The following FAM131B variants were observed in gnomAD, a reference collection of about 807,000 sequenced individuals.
FAM131B encodes the protein family with sequence similarity 131 member B, also known as protein FAM131B.
In FAM131B, 19 loss-of-function variants were observed where a neutral mutation model predicts 42.0. The observed-to-expected ratio is 0.45, with a 90% confidence interval of 0.32 to 0.66. The LOEUF is 0.66. FAM131B is among the 30% of genes least tolerant of loss of function. The pLI, the probability that FAM131B is intolerant of heterozygous loss-of-function variation, is 0.05. For synonymous variants in FAM131B, 183 were observed against 177.6 expected, an observed-to-expected ratio of 1.03 and a Z score of -0.24; for missense variants, 370 against 468.4, an observed-to-expected ratio of 0.79 and a Z score of 1.94.
At chr7:143,380,095 A>T in the FAM131B span, 1 of 985,508 alleles carries the variant, frequency 1.0e-6, no homozygotes, top group Non-Finnish European at 1.2e-6. The surrounding 1 kb of genome is among the most constrained non-coding windows in gnomAD (Gnocchi z 5.0). Context: ...CGAAGGCCTC[A>T]GGAGGCAGTA....
At position 143,359,452 on chromosome 7, in the gene FAM131B, A is replaced by T. The variant is rs1469289300; in HGVS notation, c.175-33T>A. 1.3e-6 allele frequency: 2 copies of T among 1,532,822 alleles called. No homozygotes were observed. The highest frequency in any genetic ancestry group is 1.7e-5 in the Admixed American group (1 of 59,304). 95.0% of individuals were successfully genotyped at this position (1,532,822 alleles called of 1,614,324 possible). ...GGGAATGTGGGAGGAAGGGCAGAGGAATAAGAAGGTACGGGCGTGCTTTAT... is the reference window on the plus strand; with the variant it reads ...GGGAATGTGGGAGGAAGGGCAGAGGTATAAGAAGGTACGGGCGTGCTTTAT... On this transcript the variant is annotated intron_variant, in intron 3 of 6. Transcript: ENST00000443739. This position sits in a 1 kb window ranked among gnomAD's most constrained non-coding sequence, Gnocchi z 5.4.
In FAM131B at chr7:143,353,585, CTATAA is replaced by C. The variant is rs1803516610; in HGVS notation, c.*2960_*2964del. On this transcript the variant is annotated 3_prime_UTR_variant, in exon 7 of 7. Coordinates refer to ENST00000443739, the MANE Select transcript of FAM131B (RefSeq NM_001031690.3). ...TATATATATTGATATAGAATTCTCT[CTATAA>C]TATATGTCATAGAATCTCTCTTGGG... 1 of 152,546 alleles carries C rather than the reference CTATAA, an allele frequency of 6.6e-6. No individual in the cohort carries two copies. Among genetic ancestry groups the C allele is most frequent in the African/African-American group, 2.4e-5 (1 of 41,396 alleles). The allele number at this position is 152,546 out of a possible 1,614,324, so 9.4% of individuals were successfully genotyped here. A position where few individuals can be genotyped will look rare whatever the true frequency, so the allele number is the denominator to read the frequency against.
chr7:143,378,217 C>T, the FAM131B span, among the ~76,000 whole-genome samples: 3 of 152,252 alleles, frequency 2.0e-5, no homozygotes, highest in Non-Finnish European at 2.9e-5. Flanking sequence ...CTCCTGGTCA[C>T]ATTTCTCTTT....
Position 143,356,097 on chromosome 7 carries a change from G to A in FAM131B, c.*453C>T, listed in dbSNP as rs576532511. 1.0e-3 allele frequency: 188 copies of A among 181,272 alleles called. No homozygotes were observed. The highest frequency in any genetic ancestry group is 1.6e-3 in the Non-Finnish European group (138 of 84,598). 11.2% of individuals were successfully genotyped at this position (181,272 alleles called of 1,614,324 possible). On this transcript the variant is annotated 3_prime_UTR_variant, in exon 7 of 7. Coordinates refer to ENST00000443739, the MANE Select transcript of FAM131B (RefSeq NM_001031690.3). The surrounding 1 kb of genome is among the most constrained non-coding windows in gnomAD (Gnocchi z 4.4). ...TCAGTAGGGATGAGCTGGGGCCACA[G>A]CCAGAGAAAACAGAGTTGGGAAAAG... is the stretch of plus-strand genomic sequence containing the variant.
chr7:143,374,900 C>T, the FAM131B span, among the ~76,000 whole-genome samples: 3 of 152,168 alleles, frequency 2.0e-5, no homozygotes, highest in African/African-American at 7.2e-5. Flanking sequence ...CAGGCTCTAC[C>T]GGATGCATCC....
the FAM131B span, among the ~76,000 whole-genome samples, chr7:143,369,699 G>A: frequency 7.3e-5 from 11 of 150,728 alleles, no homozygotes; most frequent in Non-Finnish European, 1.0e-4. Context: ...AGTTTTAAGC[G>A]AGTAGATCTC....
chr7:143,382,078 C>G, the FAM131B span: 5 of 632,846 alleles, frequency 7.9e-6, no homozygotes, highest in Non-Finnish European at 1.1e-5. Context: ...GTGCGCCCGG[C>G]CTTTCCTGAC....
At position 143,354,552 on chromosome 7, in the gene FAM131B, AG is replaced by A. The variant is rs1166814669; in HGVS notation, c.*1997del. On this transcript the variant is annotated 3_prime_UTR_variant, in exon 7 of 7. Transcript: ENST00000443739. Reference sequence around the variant, plus strand: ...CATGCAAAACCCCAGAGCCTGCAGCAGGAGACGGGTGGGGAATAGCTGCCAG... The same window carrying A: ...CATGCAAAACCCCAGAGCCTGCAGCAGAGACGGGTGGGGAATAGCTGCCAG... The A allele has an allele frequency of 2.0e-5, 3 of 152,382 alleles. No homozygotes were observed. The East Asian group carries it at 5.8e-4, about 29-fold the overall frequency. 9.4% of individuals were successfully genotyped at this position (152,382 alleles called of 1,614,324 possible). A position where few individuals can be genotyped will look rare whatever the true frequency, so the allele number is the denominator to read the frequency against.
chr7:143,366,796 G>C (rs1012590519), upstream of FAM131B, among the ~76,000 whole-genome samples: 1 of 152,152 alleles, frequency 6.6e-6, no homozygotes, highest in Non-Finnish European at 1.5e-5. Context: ...GACCTCAGGC[G>C]ATCTGCCCGC....
chr7:143,381,901 C>G, the FAM131B span: 2 of 1,011,528 alleles, frequency 2.0e-6, no homozygotes, highest in Non-Finnish European at 2.8e-6. Flanking sequence ...CCACCCTGTC[C>G]CGAGCAGATG....
chr7:143,362,718 G>C (rs1000690998), upstream of FAM131B: 1 of 410,500 alleles, frequency 2.4e-6, no homozygotes, highest in East Asian at 5.6e-5. The surrounding 1 kb of genome is among the most constrained non-coding windows in gnomAD (Gnocchi z 7.7). Context: ...GTCTCCGCTC[G>C]GCTCCGCTCC....
In FAM131B at chr7:143,358,056, C is replaced by T. The variant is rs867631070; in HGVS notation, c.467-633G>A. Among the ~76,000 whole-genome samples the T allele has an allele frequency of 3.1e-4, 47 of 152,140 alleles. No homozygotes were observed. The highest frequency in any genetic ancestry group is 1.0e-3 in the African/African-American group (43 of 41,490). On this transcript the variant is annotated intron_variant, in intron 5 of 6. Transcript: ENST00000443739. The surrounding 1 kb of genome is among the most constrained non-coding windows in gnomAD (Gnocchi z 4.7). The stretch of plus-strand genomic sequence containing the variant: ...AGAGCATCGTGGGCTTGTGGGTCCA[C>T]CATAATATAAAACTGAAATTCAAGG...
chr7:143,379,021 C>T, the FAM131B span, among the ~76,000 whole-genome samples: 1 of 152,242 alleles, frequency 6.6e-6, no homozygotes, highest in African/African-American at 2.4e-5. Flanking sequence ...ATTCCGCATT[C>T]TGAATGCTCT....
chr7:143,381,480 G>T, the FAM131B span: 1 of 1,395,636 alleles, frequency 7.2e-7, no homozygotes. Flanking sequence ...GGCGAGTGGG[G>T]GTCACCAAGG....
chr7:143,359,673 G>T lies in FAM131B; in HGVS notation c.174+59C>A. On this transcript the variant is annotated intron_variant, in intron 3 of 6. Transcript: ENST00000443739. The surrounding 1 kb of genome is among the most constrained non-coding windows in gnomAD (Gnocchi z 5.4). ...ACCGTGCTGGTTGGAAGGTGCAAGG[G>T]AGAAGATGAGGAGGAGGAGTTCGGG... 1.4e-6 allele frequency: 2 copies of T among 1,475,848 alleles called. No homozygotes were observed. The highest frequency in any genetic ancestry group is 2.4e-5 in the East Asian group (1 of 40,904). 91.4% of individuals were successfully genotyped at this position (1,475,848 alleles called of 1,614,324 possible).
chr7:143,369,549 C>T, the FAM131B span, among the ~76,000 whole-genome samples: 1 of 151,990 alleles, frequency 6.6e-6, no homozygotes, highest in East Asian at 1.9e-4. Flanking sequence ...GTGGTGGGCA[C>T]CTGTAGTCCT....
the FAM131B span, chr7:143,382,225 C>T: frequency 1.2e-6 from 2 of 1,606,200 alleles, no homozygotes; most frequent in African/African-American, 1.3e-5. Context: ...CCCCGGCCGA[C>T]GTCTTTCTCC....
chr7:143,373,555 A>T, the FAM131B span, among the ~76,000 whole-genome samples: 2 of 152,212 alleles, frequency 1.3e-5, no homozygotes, highest in African/African-American at 4.8e-5. Context: ...CTATGGGGAA[A>T]ACATTGTCTG....
At position 143,360,562 on chromosome 7, in the gene FAM131B, C is replaced by G. The variant is rs553684744; in HGVS notation, c.29-413G>C. 1.2e-5 allele frequency: 3 copies of G among 258,252 alleles called. No individual in the cohort carries two copies. The East Asian group carries it at 4.6e-4, about 40-fold the overall frequency. 16.0% of individuals were successfully genotyped at this position (258,252 alleles called of 1,614,324 possible). The stretch of plus-strand genomic sequence containing the variant: ...TGCTTAGGGTGGAAGGGATGTGTCT[C>G]CCCCGGTGGGCCCTTCCTAAGAGTC... On this transcript the variant is annotated intron_variant, in intron 1 of 6. Transcript: ENST00000443739.
Sources: allele counts gnomAD v4.1 joint callset (sites outside exome capture counted in the v4.1 genomes callset), GRCh38; gene constraint gnomAD v4.1.1; non-coding constraint Gnocchi (gnomAD v3.1); transcripts MANE v1.5; gene names NCBI Gene and HGNC (gene_info 2026-07-23, HGNC 2026-07-21).